The following SPECC1L variants were observed in gnomAD, a reference collection of about 807,000 sequenced individuals.
SPECC1L encodes cytospin-A.
In SPECC1L, 40 loss-of-function variants were observed where a neutral mutation model predicts 116.8. That is an observed-to-expected ratio of 0.34 (90% CI 0.27 to 0.45). The LOEUF (loss-of-function observed/expected upper bound fraction) is 0.45. Among genes scored for constraint, SPECC1L ranks in the 20% least tolerant of loss-of-function variants. SPECC1L has a pLI of 1.00. For synonymous variants in SPECC1L, 504 were observed against 500.6 expected, an observed-to-expected ratio of 1.01 and a Z score of -0.09; for missense variants, 1,110 against 1,373.6, an observed-to-expected ratio of 0.81 and a Z score of 3.03.
intron 4 of SPECC1L, among the ~76,000 whole-genome samples, chr22:24,318,413 C>A (rs1190789857): frequency 6.6e-6 from 1 of 151,568 alleles, no homozygotes; most frequent in East Asian, 2.0e-4. Flanking sequence ...CGCAGGCACT[C>A]GGCAGGCTGA....
chr22:24,371,562 G>A (rs559563805), intron 14 of SPECC1L, among the ~76,000 whole-genome samples: 1 of 152,324 alleles, frequency 6.6e-6, no homozygotes, highest in East Asian at 1.9e-4. Flanking sequence ...TGGAAAATAA[G>A]TGAAAATTAA....
intron 14 of SPECC1L, among the ~76,000 whole-genome samples, chr22:24,369,616 T>A (rs1390457856): frequency 6.6e-6 from 1 of 152,148 alleles, no homozygotes; most frequent in Non-Finnish European, 1.5e-5. Context: ...GGAGGATCAC[T>A]TGAGCCTGGG....
chr22:24,344,882 GAATA>G (rs1304454384), intron 10 of SPECC1L, among the ~76,000 whole-genome samples: 2 of 152,134 alleles, frequency 1.3e-5, no homozygotes, highest in Admixed American at 1.3e-4. Flanking sequence ...GAGAAAAATT[GAATA>G]AATAGAAAGT....
chr22:24,411,113 C>T (rs1048674868), intron 14 of SPECC1L, among the ~76,000 whole-genome samples: 4 of 151,874 alleles, frequency 2.6e-5, no homozygotes, highest in Non-Finnish European at 2.9e-5. Context: ...CACTTGAACC[C>T]GGGAGGTAGA....
intron 2 of SPECC1L, among the ~76,000 whole-genome samples, chr22:24,279,654 C>T (rs1478347387): frequency 6.6e-6 from 1 of 152,176 alleles, no homozygotes; most frequent in East Asian, 1.9e-4. Context: ...GCAATCACAG[C>T]TCACTGCAGC....
chr22:24,393,422 C>G (rs776060186), intron 14 of SPECC1L, among the ~76,000 whole-genome samples: 3 of 152,146 alleles, frequency 2.0e-5, no homozygotes, highest in Non-Finnish European at 4.4e-5. Flanking sequence ...TCTAGTGATT[C>G]ACCTAAGATT....
chr22:24,410,040 G>T (rs2042663883), intron 14 of SPECC1L, among the ~76,000 whole-genome samples: 1 of 152,240 alleles, frequency 6.6e-6, no homozygotes, highest in South Asian at 2.1e-4. Context: ...AAAAGTTGAG[G>T]TGGTTCACCA....
At chr22:24,385,148 T>C (rs145309818) in intron 14 of SPECC1L, among the ~76,000 whole-genome samples, 2 of 152,078 alleles carry the variant, frequency 1.3e-5, no homozygotes, top group South Asian at 2.1e-4. Context: ...TGATCATATT[T>C]TTAATATATT....
intron 8 of SPECC1L, among the ~76,000 whole-genome samples, chr22:24,333,526 T>C (rs1224382725): frequency 6.6e-6 from 1 of 151,550 alleles, no homozygotes; most frequent in Non-Finnish European, 1.5e-5. Context: ...ACTGAGCTTC[T>C]AGGGGACTCA....
intron 11 of SPECC1L, among the ~76,000 whole-genome samples, chr22:24,358,186 C>T (rs1377491739): frequency 2.0e-5 from 3 of 149,898 alleles, no homozygotes; most frequent in African/African-American, 7.4e-5. Flanking sequence ...GTGATCCTCA[C>T]TCACTGCAGT....
intron 1 of SPECC1L, among the ~76,000 whole-genome samples, chr22:24,276,152 G>C (rs941328273): frequency 3.9e-5 from 6 of 152,142 alleles, no homozygotes; most frequent in African/African-American, 1.4e-4. Flanking sequence ...GAAGAGGAGA[G>C]GACTGCTTGA....
intron 14 of SPECC1L, among the ~76,000 whole-genome samples, chr22:24,391,877 T>C (rs1281754172): frequency 6.6e-6 from 1 of 152,248 alleles, no homozygotes; most frequent in Non-Finnish European, 1.5e-5. Flanking sequence ...ACCTGCCGAA[T>C]GTAATAAAAT....
At chr22:24,369,408 A>G in intron 14 of SPECC1L, 88 bp downstream of exon 14, 2 of 957,866 alleles carry the variant, frequency 2.1e-6, no homozygotes, top group Non-Finnish European at 1.7e-6. Flanking sequence ...CACATTAGAA[A>G]TGATAAGTCC....
At position 24,302,382 on chromosome 22, in the gene SPECC1L, A is replaced by C; in HGVS notation, c.151A>C (p.Lys51Gln). 6.2e-7 allele frequency: 1 copy of C among 1,614,112 alleles called. No homozygotes were observed. The highest frequency in any genetic ancestry group is 8.5e-7 in the Non-Finnish European group (1 of 1,180,014). ...ACCTGGAACAGCAGCATCATTGTCA[A>C]AGGTATTCATGTGATGTTTGAATAC... ...VKPGTAASLSKTKSSDDLLAG... is the reference protein window; with the variant it reads ...VKPGTAASLSQTKSSDDLLAG... Residue 51 changes from lysine to glutamine, a missense_variant and splice_region_variant, in exon 3 of 17, where the codon AAG (lysine) becomes CAG (glutamine). Around this residue, in one of 4 missense-constraint regions of SPECC1L, gnomAD observed 437 missense variants for 482.6 expected, o/e 0.91. Transcript: ENST00000314328.
intron 7 of SPECC1L, among the ~76,000 whole-genome samples, chr22:24,329,898 G>A (rs1253415143): frequency 1.3e-5 from 2 of 151,662 alleles, no homozygotes; most frequent in Non-Finnish European, 2.9e-5. Context: ...GTGCTTTTCA[G>A]AGGTAAACAT....
intron 4 of SPECC1L, among the ~76,000 whole-genome samples, chr22:24,320,612 A>C (rs1287469506): frequency 1.3e-5 from 2 of 152,210 alleles, no homozygotes; most frequent in Admixed American, 6.5e-5. Context: ...TGATAATAGC[A>C]CCTACCTCAC....
chr22:24,413,957 A>G (rs1045157773), intron 16 of SPECC1L, among the ~76,000 whole-genome samples: 3 of 150,900 alleles, frequency 2.0e-5, no homozygotes, highest in African/African-American at 2.4e-5. Flanking sequence ...CTCGTGTTAA[A>G]GGCTGTGAGA....
At chr22:24,300,426 G>A (rs1338213188) in intron 2 of SPECC1L, among the ~76,000 whole-genome samples, 1 of 152,124 alleles carries the variant, frequency 6.6e-6, no homozygotes, top group East Asian at 1.9e-4. Context: ...TGTAAACAGT[G>A]CTGCAATAAA....
At chr22:24,365,381 T>C in intron 12 of SPECC1L, 95 bp from the exon 13 acceptor site, 1 of 1,137,282 alleles carries the variant, frequency 8.8e-7, no homozygotes, top group African/African-American at 1.5e-5. Context: ...TGTATGGTAA[T>C]ATCTGTTGTT....
Sources: gnomAD v4.1 joint callset for allele counts (sites outside exome capture counted in the v4.1 genomes callset) on GRCh38, gnomAD v4.1.1 for gene constraint, gnomAD v4.1.1 regional missense constraint, MANE v1.5 for transcripts, NCBI Gene and HGNC (gene_info 2026-07-23, HGNC 2026-07-21) for gene names.